KIAA1958: variants seen among roughly 807,000 people sequenced by gnomAD.
The protein encoded by KIAA1958 is uncharacterized protein KIAA1958.
A neutral mutation model predicts 47.2 loss-of-function variants in KIAA1958; 14 were observed. The observed-to-expected ratio is 0.30, with a 90% CI of 0.20 to 0.46. The LOEUF (loss-of-function observed/expected upper bound fraction) is 0.46. Among genes scored for constraint, KIAA1958 ranks in the 20% least tolerant of loss-of-function variants. The probability of loss-of-function intolerance (pLI) is 1.00; values close to 1 mark genes in which losing one functional copy is unlikely to be tolerated. For synonymous variants in KIAA1958, 354 were observed against 353.3 expected (o/e 1.00, Z -0.02); for missense variants, 803 against 909.2 (o/e 0.88, Z 1.50).
chr9:112,636,839 T>C (rs1295433704), intron 2 of KIAA1958, among the ~76,000 whole-genome samples: 1 of 152,182 alleles, frequency 6.6e-6, no homozygotes, highest in African/African-American at 2.4e-5. Context: ...AACATTTATC[T>C]TTTAATTGGA....
intron 2 of KIAA1958, among the ~76,000 whole-genome samples, chr9:112,644,369 T>C (rs1352348971): frequency 2.0e-5 from 3 of 152,090 alleles, no homozygotes; most frequent in Non-Finnish European, 4.4e-5. Context: ...GTGAACCCAA[T>C]TTGCAGTTCA....
At chr9:112,502,185 G>T (rs1176582167) in intron 1 of KIAA1958, among the ~76,000 whole-genome samples, 2 of 152,166 alleles carry the variant, frequency 1.3e-5, no homozygotes, top group Non-Finnish European at 1.5e-5. Context: ...TTGAAGTATA[G>T]TATACTTACA....
At chr9:112,656,986 G>T (rs1837162839) in intron 3 of KIAA1958, among the ~76,000 whole-genome samples, 1 of 152,010 alleles carries the variant, frequency 6.6e-6, no homozygotes, top group Non-Finnish European at 1.5e-5. Flanking sequence ...TTATAAAAAA[G>T]TCAGACCTGC....
chr9:112,634,608 T>C (rs1012348243), intron 2 of KIAA1958, among the ~76,000 whole-genome samples: 1 of 152,210 alleles, frequency 6.6e-6, no homozygotes, highest in African/African-American at 2.4e-5. Context: ...AGTTCGAGGG[T>C]ACATGGGCAG....
chr9:112,507,441 T>C (rs1834251069), intron 1 of KIAA1958, among the ~76,000 whole-genome samples: 1 of 152,234 alleles, frequency 6.6e-6, no homozygotes, highest in Non-Finnish European at 1.5e-5. Flanking sequence ...CTTGAACTCC[T>C]GGGCTCAAGT....
chr9:112,580,486 T>C (rs1835717751), intron 2 of KIAA1958, among the ~76,000 whole-genome samples: 1 of 152,100 alleles, frequency 6.6e-6, no homozygotes, highest in African/African-American at 2.4e-5. Context: ...TGCCTCTTCT[T>C]ACAAGAAGAA....
At chr9:112,546,461 C>T (rs1257286369) in intron 1 of KIAA1958, among the ~76,000 whole-genome samples, 1 of 152,094 alleles carries the variant, frequency 6.6e-6, no homozygotes, top group Non-Finnish European at 1.5e-5. Context: ...TCCTATGCAG[C>T]TGCCACTCTT....
chr9:112,559,061 C>T (rs916661698), intron 1 of KIAA1958, among the ~76,000 whole-genome samples: 2 of 152,186 alleles, frequency 1.3e-5, no homozygotes, highest in African/African-American at 4.8e-5. Flanking sequence ...AAATCAGAAG[C>T]TTTGTAAAAC....
At chr9:112,526,420 A>C (rs1402494472) in intron 1 of KIAA1958, among the ~76,000 whole-genome samples, 1 of 151,586 alleles carries the variant, frequency 6.6e-6, no homozygotes, top group Non-Finnish European at 1.5e-5. Flanking sequence ...CGCCCAGCTA[A>C]TTTTTGTATT....
chr9:112,657,035 CATTT>C (rs1837163648), intron 3 of KIAA1958, among the ~76,000 whole-genome samples: 1 of 152,044 alleles, frequency 6.6e-6, no homozygotes, highest in Non-Finnish European at 1.5e-5. Flanking sequence ...TCAAAGATTA[CATTT>C]TTATCTATCC....
chr9:112,580,540 A>G (rs1835718517), intron 2 of KIAA1958, among the ~76,000 whole-genome samples: 1 of 152,190 alleles, frequency 6.6e-6, no homozygotes, highest in Non-Finnish European at 1.5e-5. Flanking sequence ...TAATCCCAAC[A>G]CTTTGGGAGG....
intron 1 of KIAA1958, among the ~76,000 whole-genome samples, chr9:112,526,787 A>G (rs938959086): frequency 6.6e-6 from 1 of 152,236 alleles, no homozygotes; most frequent in African/African-American, 2.4e-5. Flanking sequence ...CCAGCTGTTA[A>G]TACTGTTACA....
chr9:112,553,379 T>C (rs1231961430), intron 1 of KIAA1958, among the ~76,000 whole-genome samples: 1 of 152,020 alleles, frequency 6.6e-6, no homozygotes, highest in South Asian at 2.1e-4. Context: ...TTTGCTGTGT[T>C]GCCCAGGCTG....
chr9:112,660,263 G>C lies in KIAA1958; in HGVS notation c.*194G>C. 8.5e-6 allele frequency: 5 copies of C among 587,238 alleles called. No individual in the cohort carries two copies. In the South Asian group the frequency reaches 8.6e-5, roughly 10 times the overall value. 36.4% of individuals were successfully genotyped at this position (587,238 alleles called of 1,614,324 possible). On this transcript the variant is annotated 3_prime_UTR_variant, in exon 4 of 4. Coordinates refer to ENST00000337530, the MANE Select transcript of KIAA1958 (RefSeq NM_133465.4). The stretch of plus-strand genomic sequence containing the variant: ...GAAACTAGATGAGTCTAAATCATTC[G>C]GATGGTTTATCCAAATGTGCGTCAA...
intron 1 of KIAA1958, among the ~76,000 whole-genome samples, chr9:112,497,195 G>C (rs1834062103): frequency 6.6e-6 from 1 of 152,116 alleles, no homozygotes; most frequent in Non-Finnish European, 1.5e-5. Flanking sequence ...TTTATGGGCT[G>C]AGTAGTGTCC....
At chr9:112,553,075 A>C in intron 1 of KIAA1958, among the ~76,000 whole-genome samples, 10 of 139,158 alleles carry the variant, frequency 7.2e-5, no homozygotes, top group East Asian at 4.4e-4. Context: ...CCTCCCCTCC[A>C]CACCCTTTTC....
chr9:112,564,180 A>G (rs73547800), intron 1 of KIAA1958, among the ~76,000 whole-genome samples: 89 of 152,244 alleles, frequency 5.8e-4, no homozygotes, highest in African/African-American at 2.1e-3. Flanking sequence ...TCTTCCCCCT[A>G]TATTTTTGAA....
chr9:112,611,069 TAA>T (rs1419782578), intron 2 of KIAA1958, among the ~76,000 whole-genome samples: 2 of 152,168 alleles, frequency 1.3e-5, no homozygotes, highest in Non-Finnish European at 2.9e-5. Context: ...AATTCTTTAA[TAA>T]GTCTTAAATT....
chr9:112,660,173 CG>C lies in KIAA1958; in HGVS notation c.*106del. 1 of 958,624 alleles carries C rather than the reference CG, an allele frequency of 1.0e-6. No homozygotes were observed. The highest frequency in any genetic ancestry group is 1.6e-6 in the Non-Finnish European group (1 of 638,020). 59.4% of individuals were successfully genotyped at this position (958,624 alleles called of 1,614,324 possible). A position where few individuals can be genotyped will look rare whatever the true frequency, so the allele number is the denominator to read the frequency against. On this transcript the variant is annotated 3_prime_UTR_variant, in exon 4 of 4. Coordinates refer to ENST00000337530, the MANE Select transcript of KIAA1958 (RefSeq NM_133465.4). ...CAGGGGCTGACCAGGTGTGACCTCC[CG>C]GTCTGGCGGCTCTCCCCTGGTGTGG...
Sources: gnomAD v4.1 joint callset for allele counts (sites outside exome capture counted in the v4.1 genomes callset) on GRCh38, gnomAD v4.1.1 for gene constraint, MANE v1.5 for transcripts, NCBI Gene and HGNC (gene_info 2026-07-23, HGNC 2026-07-21) for gene names.